Variants in ASH1L observed in about 807,000 individuals in gnomAD.
The protein encoded by ASH1L is histone-lysine N-methyltransferase ASH1L.
A neutral mutation model predicts 269.0 loss-of-function variants in ASH1L; 23 were observed. That is an observed-to-expected ratio of 0.09 (90% CI 0.06 to 0.12). The LOEUF is 0.12. Ranked by LOEUF, ASH1L falls within the 10% of genes least tolerant of loss-of-function variation. The probability of loss-of-function intolerance (pLI) is 1.00; values close to 1 mark genes in which losing one functional copy is unlikely to be tolerated. For missense variants in ASH1L, 2,912 were observed against 3,567.8 expected (o/e 0.82, Z 4.68); for synonymous variants, 1,187 against 1,253.5 (o/e 0.95, Z 1.12).
chr1:155,562,280 C>T lies in ASH1L; in HGVS notation c.-227G>A. ...ATCCCTCCCGCTTGTCAGGAGGCGG[C>T]CAGCGGGTAAGCTGACTGGCGGAAA... On this transcript the variant is annotated 5_prime_UTR_variant, in exon 1 of 28. Transcript: ENST00000392403. The T allele has an allele frequency of 6.2e-7, 1 of 1,606,608 alleles. No individual in the cohort carries two copies. The highest frequency in any genetic ancestry group is 1.1e-5 in the South Asian group (1 of 90,896).
chr1:155,461,121 T>A (rs1038288610), intron 3 of ASH1L, among the ~76,000 whole-genome samples: 2 of 152,146 alleles, frequency 1.3e-5, no homozygotes, highest in African/African-American at 4.8e-5. Context: ...ATCAAAAAGT[T>A]GAAGATTTTC....
At chr1:155,511,781 G>C (rs989269298) in intron 2 of ASH1L, among the ~76,000 whole-genome samples, 1 of 152,130 alleles carries the variant, frequency 6.6e-6, no homozygotes, top group Non-Finnish European at 1.5e-5. Context: ...TGGGATTACA[G>C]GGGTGAGCCA....
intron 5 of ASH1L, chr1:155,433,067 A>G (rs1661725782): frequency 1.7e-6 from 2 of 1,169,676 alleles, no homozygotes; most frequent in African/African-American, 1.6e-5. Flanking sequence ...CAGTGTTTTA[A>G]AGCTTCAATA....
intron 5 of ASH1L, among the ~76,000 whole-genome samples, chr1:155,423,919 G>C (rs1660925034): frequency 6.6e-6 from 1 of 152,034 alleles, no homozygotes; most frequent in Non-Finnish European, 1.5e-5. Context: ...TAGAGACAGG[G>C]TTTCACCATG....
chr1:155,522,961 G>A (rs1208396998), intron 1 of ASH1L, among the ~76,000 whole-genome samples: 7 of 152,050 alleles, frequency 4.6e-5, no homozygotes, highest in Non-Finnish European at 8.8e-5. Flanking sequence ...AAAGTGCTGG[G>A]ATTACAGGTG....
At chr1:155,475,530 T>C (rs1665474575) in intron 3 of ASH1L, among the ~76,000 whole-genome samples, 1 of 152,200 alleles carries the variant, frequency 6.6e-6, no homozygotes, top group Admixed American at 6.5e-5. Context: ...AGCCCTTTAA[T>C]CTGTATCATA....
chr1:155,521,676 A>G, intron 1 of ASH1L, 58 bp from the exon 2 acceptor site: 1 of 641,208 alleles, frequency 1.6e-6, no homozygotes, highest in Non-Finnish European at 2.6e-6. Context: ...TGATTAACAT[A>G]AGTAATGGGT....
chr1:155,343,658 A>C lies in ASH1L; in HGVS notation c.8066T>G (p.Ile2689Ser). 6.2e-7 allele frequency: 1 copy of C among 1,614,196 alleles called. No homozygotes were observed. The highest frequency in any genetic ancestry group is 1.7e-5 in the Admixed American group (1 of 60,012). ...AAAGATGTCAAGTTTATCTCGGTTAATGTGAGATAACAGTCGATAGGACTG... is the reference window on the plus strand; with the variant it reads ...AAAGATGTCAAGTTTATCTCGGTTACTGTGAGATAACAGTCGATAGGACTG... Reference protein sequence around the residue: ...VRQSYRLLSHINRDKLDIFRI... With the variant: ...VRQSYRLLSHSNRDKLDIFRI... The change falls in exon 23 of 28, where the codon ATT (isoleucine) becomes AGT (serine). Residue 2689 changes from isoleucine (I) to serine (S), a missense_variant. Transcript: ENST00000392403. The surrounding 1 kb of genome is among the most constrained non-coding windows in gnomAD (Gnocchi z 6.1).
intron 3 of ASH1L, among the ~76,000 whole-genome samples, chr1:155,474,510 G>C (rs1345394414): frequency 6.6e-6 from 1 of 152,066 alleles, no homozygotes; most frequent in Non-Finnish European, 1.5e-5. Context: ...ATCAGCCTGG[G>C]CGGCATGGCG....
chr1:155,513,638 C>G (rs917736383), intron 2 of ASH1L, among the ~76,000 whole-genome samples: 3 of 151,126 alleles, frequency 2.0e-5, no homozygotes, highest in African/African-American at 7.3e-5. Flanking sequence ...AATCTCTTAC[C>G]AAAAAAATTG....
chr1:155,454,345 T>C (rs571919003), intron 4 of ASH1L, among the ~76,000 whole-genome samples: 46 of 152,236 alleles, frequency 3.0e-4, no homozygotes, highest in Non-Finnish European at 4.3e-4. Context: ...TCAAAATGCC[T>C]TCTCCTCTTC....
chr1:155,389,320 A>G (rs187159984), intron 7 of ASH1L, among the ~76,000 whole-genome samples: 255 of 152,126 alleles, frequency 1.7e-3, no homozygotes, highest in Middle Eastern at 3.4e-3. Flanking sequence ...ATTATTCCCA[A>G]ATAAACCCTT....
chr1:155,449,588 C>T (rs138021591), intron 4 of ASH1L, among the ~76,000 whole-genome samples: 1 of 150,576 alleles, frequency 6.6e-6, no homozygotes, highest in Non-Finnish European at 1.5e-5. Context: ...GGCACGATCT[C>T]GGCTCACTGC....
chr1:155,559,946 G>A (rs1200419174), intron 1 of ASH1L, among the ~76,000 whole-genome samples: 1 of 152,140 alleles, frequency 6.6e-6, no homozygotes, highest in Non-Finnish European at 1.5e-5. Context: ...AAAGAACAAA[G>A]CCATAGATAC....
chr1:155,354,304 A>T (rs1654180449), intron 16 of ASH1L, among the ~76,000 whole-genome samples, 169 bp downstream of exon 16: 1 of 152,096 alleles, frequency 6.6e-6, no homozygotes, highest in Non-Finnish European at 1.5e-5. Context: ...TTAGCCGGGC[A>T]TGGTGGCGGG....
chr1:155,551,609 G>A (rs1166943523), intron 1 of ASH1L, among the ~76,000 whole-genome samples: 2 of 142,078 alleles, frequency 1.4e-5, no homozygotes, highest in African/African-American at 2.6e-5. Flanking sequence ...GCAGTGAGCC[G>A]AGATCCCGCC....
chr1:155,405,281 G>A (rs1659183472), intron 6 of ASH1L, among the ~76,000 whole-genome samples: 3 of 151,542 alleles, frequency 2.0e-5, no homozygotes, highest in African/African-American at 2.4e-5. Context: ...TCAGGAGTTC[G>A]AGACCAGCCT....
intron 6 of ASH1L, among the ~76,000 whole-genome samples, chr1:155,401,942 T>G (rs1389541879): frequency 1.3e-5 from 2 of 151,920 alleles, no homozygotes; most frequent in Non-Finnish European, 1.5e-5. Context: ...TACAAAAAAT[T>G]AGCTGGGCGT....
At chr1:155,459,617 T>C (rs1010421250) in intron 4 of ASH1L, among the ~76,000 whole-genome samples, 180 bp downstream of exon 4, 1 of 152,246 alleles carries the variant, frequency 6.6e-6, no homozygotes, top group Admixed American at 6.5e-5. Flanking sequence ...ACTATATTGT[T>C]TCAATGTACA....
Sources: gnomAD v4.1 joint callset for allele counts (sites outside exome capture counted in the v4.1 genomes callset) on GRCh38, gnomAD v4.1.1 for gene constraint, Gnocchi (gnomAD v3.1) non-coding constraint, MANE v1.5 for transcripts, NCBI Gene and HGNC (gene_info 2026-07-23, HGNC 2026-07-21) for gene names.